The following CHD7 variants were observed in gnomAD, a reference collection of about 807,000 sequenced individuals.
CHD7 encodes chromodomain helicase DNA binding protein 7, also known as ATP-dependent chromatin remodeler CHD7.
CHD7 carries 24 observed loss-of-function variants against 307.3 expected under a neutral mutation model. The observed-to-expected ratio is 0.08, with a 90% confidence interval of 0.06 to 0.11. The LOEUF is 0.11. Ranked by LOEUF, CHD7 falls within the 10% of genes least tolerant of loss-of-function variation. The pLI is 1.00. For missense variants in CHD7, 3,106 were observed against 3,727.1 expected (o/e 0.83, Z 4.34); for synonymous variants, 1,363 against 1,349.9 (o/e 1.01, Z -0.21).
chr8:60,756,706 CAT>C (rs1185616042), intron 2 of CHD7, among the ~76,000 whole-genome samples: 2 of 152,126 alleles, frequency 1.3e-5, no homozygotes, highest in Non-Finnish European at 2.9e-5. Context: ...TGCACACACA[CAT>C]ACGCGCATAC....
At chr8:60,848,667 C>T in intron 24 of CHD7, 63 bp downstream of exon 24, 2 of 1,294,342 alleles carry the variant, frequency 1.5e-6, no homozygotes, top group East Asian at 2.4e-5. Flanking sequence ...CGGAAAACAT[C>T]ATGGATTGTG....
chr8:60,852,412 A>T, intron 29 of CHD7, 86 bp from the exon 30 acceptor site: 20 of 1,384,196 alleles, frequency 1.4e-5, no homozygotes, highest in Non-Finnish European at 2.0e-5. Context: ...TACCATGTAT[A>T]AAGTCTGGGG....
At chr8:60,770,147 ATAAAT>A (rs948316548) in intron 2 of CHD7, among the ~76,000 whole-genome samples, 1 of 152,232 alleles carries the variant, frequency 6.6e-6, no homozygotes, top group African/African-American at 2.4e-5. Context: ...TGTTGTGAAA[ATAAAT>A]TAGCAAATAA....
intron 1 of CHD7, among the ~76,000 whole-genome samples, chr8:60,721,383 C>G (rs1807898540): frequency 6.6e-6 from 1 of 152,146 alleles, no homozygotes; most frequent in Non-Finnish European, 1.5e-5. Context: ...AGAGAAGAGG[C>G]CTCAGAATGA....
intron 7 of CHD7, among the ~76,000 whole-genome samples, chr8:60,813,556 C>T (rs1222192309): frequency 1.3e-5 from 2 of 152,110 alleles, no homozygotes; most frequent in East Asian, 1.9e-4. Flanking sequence ...TATGTGTTAA[C>T]AAAATACCTA....
intron 7 of CHD7, among the ~76,000 whole-genome samples, chr8:60,811,800 A>G (rs1032492050): frequency 1.5e-4 from 23 of 152,198 alleles, no homozygotes; most frequent in African/African-American, 5.5e-4. Flanking sequence ...TCCTGTCAAC[A>G]AAGTATGCAA....
intron 1 of CHD7, among the ~76,000 whole-genome samples, chr8:60,719,611 C>A (rs1807794969): frequency 6.6e-6 from 1 of 152,058 alleles, no homozygotes; most frequent in Non-Finnish European, 1.5e-5. Flanking sequence ...ATAAATAAAG[C>A]CCTGGGGTAA....
intron 7 of CHD7, among the ~76,000 whole-genome samples, chr8:60,812,241 C>T (rs1812846123): frequency 6.6e-6 from 1 of 152,172 alleles, no homozygotes; most frequent in South Asian, 2.1e-4. Flanking sequence ...GGAATTTGTC[C>T]ATGCTTTCCT....
intron 7 of CHD7, among the ~76,000 whole-genome samples, chr8:60,815,810 C>T (rs1803711542): frequency 6.6e-6 from 1 of 152,180 alleles, no homozygotes; most frequent in African/African-American, 2.4e-5. Flanking sequence ...GTGGTTCTTT[C>T]CTCCTAGATT....
intron 3 of CHD7, among the ~76,000 whole-genome samples, chr8:60,791,619 G>T (rs1378612449): frequency 6.6e-6 from 1 of 152,190 alleles, no homozygotes; most frequent in East Asian, 1.9e-4. Context: ...GGATATAAAT[G>T]ATAACTATGC....
rs138379517 is a variant in CHD7, at chr8:60,811,877, T to C, written c.2498+3605T>C. 4.2e-3 allele frequency among the ~76,000 whole-genome samples: 641 copies of C among 152,312 alleles called. 4 individuals are homozygous for C. Among genetic ancestry groups the C allele is most frequent in the African/African-American group, 0.011 (457 of 41,560 alleles). ...TTACTTTTTAATTTTTGTAAGAAAT[T>C]GTATTTCAGTTGAGGTTTTAATTAG... is the stretch of plus-strand genomic sequence containing the variant. On this transcript the variant is annotated intron_variant, in intron 7 of 37. Transcript: ENST00000423902.
At chr8:60,736,472 C>T (rs1192278205) in intron 1 of CHD7, among the ~76,000 whole-genome samples, 1 of 152,168 alleles carries the variant, frequency 6.6e-6, no homozygotes, top group Non-Finnish European at 1.5e-5. Flanking sequence ...GAGGTGTCTC[C>T]ATGGGTTATG....
chr8:60,823,724 C>T, intron 12 of CHD7, 116 bp from the exon 13 acceptor site: 2 of 875,662 alleles, frequency 2.3e-6, no homozygotes, highest in Non-Finnish European at 3.5e-6. Context: ...TGTATGTCAC[C>T]TAAAATAAAG....
At chr8:60,797,529 T>A (rs1812089569) in intron 4 of CHD7, among the ~76,000 whole-genome samples, 1 of 152,220 alleles carries the variant, frequency 6.6e-6, no homozygotes, top group Non-Finnish European at 1.5e-5. Context: ...TAAAGTGGAT[T>A]TGTCTTAGAC....
intron 1 of CHD7, among the ~76,000 whole-genome samples, chr8:60,704,548 C>G (rs1563529774): frequency 6.6e-6 from 1 of 151,520 alleles, no homozygotes; most frequent in Non-Finnish European, 1.5e-5. Context: ...ACTCTGGTTG[C>G]ACCATGTGCA....
intron 2 of CHD7, among the ~76,000 whole-genome samples, chr8:60,745,661 T>C (rs1178264349): frequency 6.6e-6 from 1 of 152,240 alleles, no homozygotes; most frequent in Non-Finnish European, 1.5e-5. Context: ...TAACTTTGCA[T>C]CCTCTTCAGA....
Position 60,852,379 on chromosome 8 carries a change from C to A in CHD7, c.5895-119C>A, listed in dbSNP as rs1312801692. 27 of 1,283,222 alleles carry A rather than the reference C, an allele frequency of 2.1e-5. No individual in the cohort carries two copies. In the East Asian group the frequency reaches 6.6e-4, roughly 31 times the overall value. The allele number at this position is 1,283,222 out of a possible 1,614,324, so 79.5% of individuals were successfully genotyped here. A position where few individuals can be genotyped will look rare whatever the true frequency, so the allele number is the denominator to read the frequency against. On this transcript the variant is annotated intron_variant, in intron 29 of 37. Coordinates refer to ENST00000423902, the MANE Select transcript of CHD7 (RefSeq NM_017780.4). Reference sequence around the variant, plus strand: ...GAAAGGCTCGCTCCAACAAAGCAGTCTGTTTCCCCACCCCCAAATAACTAC... The same window carrying A: ...GAAAGGCTCGCTCCAACAAAGCAGTATGTTTCCCCACCCCCAAATAACTAC...
At chr8:60,679,291 C>T (rs953712996) in intron 1 of CHD7, among the ~76,000 whole-genome samples, 167 of 146,664 alleles carry the variant, frequency 1.1e-3, no homozygotes, top group African/African-American at 4.1e-3. Context: ...CCGGCGTCGC[C>T]GCCCGCGGGG....
At position 60,742,308 on chromosome 8, in the gene CHD7, T is replaced by C. The variant is rs1809079186; in HGVS notation, c.876T>C (p.Phe292=). The C allele has an allele frequency of 6.2e-7, 1 of 1,613,990 alleles. No individual in the cohort carries two copies. The highest frequency in any genetic ancestry group is 2.2e-5 in the East Asian group (1 of 44,878). The change falls in exon 2 of 38, where the codon TTT becomes TTC. Residue 292 remains phenylalanine (F), a synonymous_variant. Coordinates refer to ENST00000423902, the MANE Select transcript of CHD7 (RefSeq NM_017780.4). ...CTGTTAGGCCGCAAACCCTTAACTT[T>C]AGTTCTCGGAGCCAGACAGTCCCCT... ...QGAVRPQTLN[F]SSRSQTVPSP...
Sources: allele counts gnomAD v4.1 joint callset (sites outside exome capture counted in the v4.1 genomes callset), GRCh38; gene constraint gnomAD v4.1.1; transcripts MANE v1.5; gene names NCBI Gene and HGNC (gene_info 2026-07-23, HGNC 2026-07-21).